Variants in TNR observed in about 807,000 individuals in gnomAD.
TNR encodes the protein tenascin R.
In TNR, 45 loss-of-function variants were observed where a neutral mutation model predicts 150.4. The ratio of observed to expected loss-of-function variants is 0.30; its 90% CI spans 0.24 to 0.38. The LOEUF (loss-of-function observed/expected upper bound fraction) is 0.38, where lower values mean the gene tolerates loss of function less well. TNR is among the 10% of genes least tolerant of loss of function. The probability of loss-of-function intolerance (pLI) is 1.00; values close to 1 mark genes in which losing one functional copy is unlikely to be tolerated. For missense variants in TNR, 1,544 were observed against 1,759.1 expected, an observed-to-expected ratio of 0.88 and a Z score of 2.19; for synonymous variants, 687 against 678.4, an observed-to-expected ratio of 1.01 and a Z score of -0.20.
At chr1:175,527,523 G>T (rs2102175917) in intron 2 of TNR, among the ~76,000 whole-genome samples, 1 of 152,292 alleles carries the variant, frequency 6.6e-6, no homozygotes, top group African/African-American at 2.4e-5. Flanking sequence ...CAAATACAGA[G>T]AGAAGACTGG....
At chr1:175,526,317 G>A (rs1032011705) in intron 2 of TNR, among the ~76,000 whole-genome samples, 1 of 152,186 alleles carries the variant, frequency 6.6e-6, no homozygotes, top group Non-Finnish European at 1.5e-5. Context: ...TTATCATAAG[G>A]TGTGGGGGTA....
At chr1:175,695,983 T>TGG (rs1448265294) in intron 1 of TNR, among the ~76,000 whole-genome samples, 3 of 133,908 alleles carry the variant, frequency 2.2e-5, no homozygotes, top group Admixed American at 7.8e-5. Flanking sequence ...GACAGATGGA[T>TGG]ATATGGATGG....
At chr1:175,588,026 C>T (rs1344703773) in intron 1 of TNR, among the ~76,000 whole-genome samples, 1 of 152,146 alleles carries the variant, frequency 6.6e-6, no homozygotes, top group Non-Finnish European at 1.5e-5. Context: ...ACTTTCCAAT[C>T]ATGTAAAAGG....
At chr1:175,651,430 G>C (rs1382414288) in intron 1 of TNR, among the ~76,000 whole-genome samples, 1 of 151,680 alleles carries the variant, frequency 6.6e-6, no homozygotes, top group Non-Finnish European at 1.5e-5. Flanking sequence ...TTTGCCCTAA[G>C]GGGAGAAATT....
chr1:175,626,612 T>C (rs1664165713), intron 1 of TNR, among the ~76,000 whole-genome samples: 1 of 152,220 alleles, frequency 6.6e-6, no homozygotes, highest in African/African-American at 2.4e-5. Flanking sequence ...GAGAGAGAAA[T>C]TGAAATAAAC....
At chr1:175,538,391 A>G (rs1660376271) in intron 1 of TNR, among the ~76,000 whole-genome samples, 1 of 152,240 alleles carries the variant, frequency 6.6e-6, no homozygotes, top group Non-Finnish European at 1.5e-5. Context: ...TTCGTTCCCA[A>G]ATATGGAAGT....
chr1:175,517,373 T>A (rs375563675), intron 2 of TNR, among the ~76,000 whole-genome samples: 1 of 152,144 alleles, frequency 6.6e-6, no homozygotes, highest in Non-Finnish European at 1.5e-5. Flanking sequence ...CATGTGCAGA[T>A]GGAGGAATAG....
intron 18 of TNR, among the ~76,000 whole-genome samples, chr1:175,342,830 C>T (rs56363769): frequency 0.017 from 2,651 of 152,354 alleles, 85 homozygotes; most frequent in African/African-American, 0.061. Context: ...CCTCCCTTCA[C>T]AGGTCAGCTA....
intron 1 of TNR, among the ~76,000 whole-genome samples, chr1:175,532,923 A>T (rs963346576): frequency 2.0e-5 from 3 of 152,176 alleles, no homozygotes; most frequent in African/African-American, 7.2e-5. Flanking sequence ...TTATAAGACT[A>T]AGCTCACCAT....
At chr1:175,370,924 T>C (rs567106676) in intron 9 of TNR, among the ~76,000 whole-genome samples, 1 of 152,292 alleles carries the variant, frequency 6.6e-6, no homozygotes, top group South Asian at 2.1e-4. Context: ...TGTGTTCTCT[T>C]CCCAGGTTTT....
chr1:175,426,050 C>A lies in TNR; in HGVS notation c.-63-19273G>T, dbSNP rs1272244600. 1.3e-5 allele frequency among the ~76,000 whole-genome samples: 2 copies of A among 152,242 alleles called. 1 individual carries two copies. Among genetic ancestry groups the A allele is most frequent in the African/African-American group, 4.8e-5 (2 of 41,536 alleles). On this transcript the variant is annotated intron_variant, in intron 2 of 22. Coordinates refer to ENST00000367674, the MANE Select transcript of TNR (RefSeq NM_003285.3). Reference sequence around the variant, plus strand: ...GTCCTAAATCAACCTGGAACTGGACCTTTGGCTGCTAGAGGAAGCTGTAAC... The same window carrying A: ...GTCCTAAATCAACCTGGAACTGGACATTTGGCTGCTAGAGGAAGCTGTAAC...
chr1:175,456,396 G>A (rs938238687), intron 2 of TNR, among the ~76,000 whole-genome samples: 2 of 152,050 alleles, frequency 1.3e-5, no homozygotes, highest in Non-Finnish European at 2.9e-5. Context: ...TATTTATTTT[G>A]TTAATATTTT....
At chr1:175,537,443 G>A (rs1017224525) in intron 1 of TNR, among the ~76,000 whole-genome samples, 2 of 152,162 alleles carry the variant, frequency 1.3e-5, no homozygotes, top group Admixed American at 1.3e-4. Context: ...ACCTTCAGGA[G>A]CAGAGCCTGA....
intron 2 of TNR, among the ~76,000 whole-genome samples, chr1:175,445,148 T>C (rs1434417458): frequency 2.0e-5 from 3 of 152,104 alleles, no homozygotes; most frequent in Non-Finnish European, 4.4e-5. Flanking sequence ...CAGGCACCTG[T>C]AGTCCCAGCT....
intron 1 of TNR, among the ~76,000 whole-genome samples, chr1:175,622,534 T>C (rs767368622): frequency 4.6e-5 from 7 of 152,202 alleles, no homozygotes; most frequent in Non-Finnish European, 8.8e-5. Context: ...TCTAGCCCGA[T>C]ATCCACGTGC....
intron 2 of TNR, among the ~76,000 whole-genome samples, chr1:175,445,953 T>C (rs1432265650): frequency 6.6e-6 from 1 of 152,228 alleles, no homozygotes; most frequent in East Asian, 1.9e-4. Flanking sequence ...CGAGCCATTA[T>C]GGGAAACACA....
intron 2 of TNR, among the ~76,000 whole-genome samples, chr1:175,522,545 A>C (rs1659678866): frequency 6.6e-6 from 1 of 151,700 alleles, no homozygotes; most frequent in Admixed American, 6.6e-5. Context: ...TTCTCCAATA[A>C]CCTATGGAAA....
chr1:175,696,225 T>TG (rs751722733), intron 1 of TNR, among the ~76,000 whole-genome samples: 5,128 of 131,252 alleles, frequency 0.039, 288 homozygotes, highest in African/African-American at 0.12. Context: ...TAGTTTTTTT[T>TG]TTTTTTTTTT....
intron 21 of TNR, among the ~76,000 whole-genome samples, chr1:175,329,704 C>G (rs541337580): frequency 6.6e-6 from 1 of 152,274 alleles, no homozygotes; most frequent in African/African-American, 2.4e-5. Flanking sequence ...GCATAAGAGC[C>G]CATAGTGACT....
Sources: allele counts gnomAD v4.1 joint callset (sites outside exome capture counted in the v4.1 genomes callset), GRCh38; gene constraint gnomAD v4.1.1; transcripts MANE v1.5; gene names NCBI Gene and HGNC (gene_info 2026-07-23, HGNC 2026-07-21).